Variants in LRRFIP1 observed in about 807,000 individuals in gnomAD.
LRRFIP1 encodes LRR binding FLII interacting protein 1.
LRRFIP1 carries 62 observed loss-of-function variants against 104.4 expected under a neutral mutation model. The observed-to-expected ratio is 0.59, with a 90% CI of 0.48 to 0.73. The LOEUF is 0.73. LRRFIP1 is among the 30% of genes least tolerant of loss of function. The probability of loss-of-function intolerance (pLI) is 0.00; values close to 1 mark genes in which losing one functional copy is unlikely to be tolerated. For synonymous variants in LRRFIP1, 300 were observed against 299.0 expected (o/e 1.00, Z -0.03); for missense variants, 796 against 824.5 (o/e 0.97, Z 0.42).
intron 7 of LRRFIP1, among the ~76,000 whole-genome samples, chr2:237,725,593 T>C (rs746381849): frequency 9.9e-5 from 15 of 152,188 alleles, no homozygotes; most frequent in Non-Finnish European, 5.9e-5. Context: ...GGAGGTATAG[T>C]CAACAAGATC....
chr2:237,750,229 A>G (rs1299997724), intron 13 of LRRFIP1, among the ~76,000 whole-genome samples: 1 of 152,032 alleles, frequency 6.6e-6, no homozygotes, highest in Admixed American at 6.6e-5. Context: ...TAAGTTTACA[A>G]AACCAGAAGA....
At chr2:237,694,398 G>A (rs149444786) in intron 1 of LRRFIP1, among the ~76,000 whole-genome samples, 35 of 151,954 alleles carry the variant, frequency 2.3e-4, no homozygotes, top group African/African-American at 6.8e-4. Flanking sequence ...GCAAAATGCA[G>A]TTCCTGTTAA....
intron 1 of LRRFIP1, among the ~76,000 whole-genome samples, chr2:237,679,035 C>G (rs369646003): frequency 6.6e-6 from 1 of 152,170 alleles, no homozygotes. Context: ...CCAGGCACAG[C>G]GCGCCTAGAA....
chr2:237,676,591 C>T (rs185837592), intron 1 of LRRFIP1, among the ~76,000 whole-genome samples: 127 of 152,260 alleles, frequency 8.3e-4, no homozygotes, highest in African/African-American at 2.9e-3. Flanking sequence ...TTGCAACCTC[C>T]GCCTCTCCGG....
chr2:237,734,894 G>A (rs1223253359), intron 9 of LRRFIP1, among the ~76,000 whole-genome samples: 1 of 152,210 alleles, frequency 6.6e-6, no homozygotes. Flanking sequence ...TCACATAAGA[G>A]TAATTTTCTA....
rs534290389 is a variant in LRRFIP1 at position 237,672,998 on chromosome 2, G to A, written c.97-35546G>A. ...TACAATACGATGACCGTGCTCCGTC[G>A]TTTTAGGCGAAGAACAGACTTACCA... On this transcript the variant is annotated intron_variant, in intron 1 of 23. Transcript: ENST00000308482. Among the ~76,000 whole-genome samples the A allele has an allele frequency of 5.3e-4, 80 of 152,308 alleles. 2 individuals are homozygous for A. In the South Asian group the frequency reaches 0.016, roughly 31 times the overall value.
intron 1 of LRRFIP1, among the ~76,000 whole-genome samples, chr2:237,639,653 G>A (rs2083625968): frequency 6.6e-6 from 1 of 152,226 alleles, no homozygotes; most frequent in African/African-American, 2.4e-5. Flanking sequence ...AATGCCTGGA[G>A]CCGGCTCCAG....
intron 17 of LRRFIP1, 100 bp downstream of exon 17, chr2:237,757,648 A>G (rs538011207): frequency 2.6e-6 from 2 of 780,906 alleles, no homozygotes; most frequent in Admixed American, 5.0e-5. Flanking sequence ...TTGTCTGAGT[A>G]TGCATGCAAC....
chr2:237,771,657 C>T (rs960449877), intron 20 of LRRFIP1, among the ~76,000 whole-genome samples: 14 of 149,690 alleles, frequency 9.4e-5, no homozygotes, highest in South Asian at 2.1e-4. Flanking sequence ...GCTGGCAAAC[C>T]GCCTCTGAAC....
In LRRFIP1 at chr2:237,758,724, C is replaced by T. The variant is rs565737073; in HGVS notation, c.1225-5C>T. ...TTCTTTCTCTTGGCTCTGCTGCACA[C>T]TCAGGCATTAGAGAGGCAGAAAGAG... On this transcript the variant is annotated splice_polypyrimidine_tract_variant and splice_region_variant and intron_variant, in intron 17 of 23. Coordinates refer to ENST00000308482, the MANE Select transcript of LRRFIP1 (RefSeq NM_001137550.2). 2 of 1,604,270 alleles carry T rather than the reference C, an allele frequency of 1.2e-6. No homozygotes were observed. The highest frequency in any genetic ancestry group is 1.1e-5 in the South Asian group (1 of 89,888).
chr2:237,642,642 C>A (rs2084188817), intron 1 of LRRFIP1, among the ~76,000 whole-genome samples: 2 of 150,876 alleles, frequency 1.3e-5, no homozygotes, highest in Admixed American at 1.3e-4. Flanking sequence ...AGACTCCAGG[C>A]TTCAGGTTCT....
At chr2:237,728,424 C>T (rs1575907507) in intron 8 of LRRFIP1, among the ~76,000 whole-genome samples, 1 of 152,032 alleles carries the variant, frequency 6.6e-6, no homozygotes, top group Admixed American at 6.5e-5. Context: ...TTGGAAGGCT[C>T]CCAGTTAAGG....
intron 19 of LRRFIP1, chr2:237,769,428 G>A (rs1238670778): frequency 1.3e-5 from 2 of 153,686 alleles, no homozygotes; most frequent in African/African-American, 4.8e-5. Context: ...TTTGGTAACT[G>A]GGTTAGCAGA....
chr2:237,708,090 C>A (rs1449966936), intron 1 of LRRFIP1, among the ~76,000 whole-genome samples: 1 of 152,222 alleles, frequency 6.6e-6, no homozygotes, highest in Non-Finnish European at 1.5e-5. Flanking sequence ...AGGGGTTGAA[C>A]TGGAAACCTG....
At chr2:237,635,163 A>T (rs1317983159) in intron 1 of LRRFIP1, among the ~76,000 whole-genome samples, 2 of 152,226 alleles carry the variant, frequency 1.3e-5, no homozygotes, top group African/African-American at 4.8e-5. Context: ...CTAAGTATTC[A>T]CATGTCTGAA....
At chr2:237,684,322 A>G (rs1335141584) in intron 1 of LRRFIP1, 1 of 152,084 alleles carries the variant, frequency 6.6e-6, no homozygotes, top group East Asian at 1.9e-4. Context: ...AAATACAAAA[A>G]AAAAGTAGTT....
At chr2:237,751,134 A>G (rs2058575633) in intron 13 of LRRFIP1, 66 bp from the exon 14 acceptor site, 1 of 1,136,686 alleles carries the variant, frequency 8.8e-7, no homozygotes, top group African/African-American at 1.6e-5. Flanking sequence ...ACCCTGAAGT[A>G]TAAAAGATTT....
intron 1 of LRRFIP1, among the ~76,000 whole-genome samples, chr2:237,668,019 A>T (rs1003182225): frequency 1.3e-5 from 2 of 151,772 alleles, no homozygotes; most frequent in African/African-American, 4.8e-5. Flanking sequence ...CCTTCTTTTG[A>T]ACTCCACCTG....
chr2:237,723,516 G>GTTTT, intron 6 of LRRFIP1, 32 bp from the exon 7 acceptor site: 3 of 1,384,560 alleles, frequency 2.2e-6, no homozygotes, highest in Admixed American at 3.8e-5. Flanking sequence ...CTTTGCTGTT[G>GTTTT]TTTTTTTTTT....
Sources: allele counts gnomAD v4.1 joint callset (sites outside exome capture counted in the v4.1 genomes callset), GRCh38; gene constraint gnomAD v4.1.1; transcripts MANE v1.5; gene names NCBI Gene and HGNC (gene_info 2026-07-23, HGNC 2026-07-21).